Variants in EPB41L1 observed in about 807,000 individuals in gnomAD.
EPB41L1 encodes erythrocyte membrane protein band 4.1 like 1, also known as band 4.1-like protein 1.
A neutral mutation model predicts 97.8 loss-of-function variants in EPB41L1; 29 were observed. That is an observed-to-expected ratio of 0.30 (90% CI 0.22 to 0.40). The LOEUF (loss-of-function observed/expected upper bound fraction) is 0.40, where lower values mean the gene tolerates loss of function less well. Among genes scored for constraint, EPB41L1 ranks in the 10% least tolerant of loss-of-function variants. The probability of loss-of-function intolerance (pLI) is 1.00; values close to 1 mark genes in which losing one functional copy is unlikely to be tolerated. For missense variants in EPB41L1, 812 were observed against 1,162.3 expected, an observed-to-expected ratio of 0.70 and a Z score of 4.38; for synonymous variants, 383 against 459.2, an observed-to-expected ratio of 0.83 and a Z score of 2.12.
intron 13 of EPB41L1, among the ~76,000 whole-genome samples, chr20:36,197,033 C>T (rs887784655): frequency 4.6e-5 from 7 of 152,236 alleles, no homozygotes; most frequent in Admixed American, 3.9e-4. Flanking sequence ...CTCTAATTCT[C>T]CTAATCTTCC....
intron 14 of EPB41L1, among the ~76,000 whole-genome samples, chr20:36,201,594 C>A (rs2062500315): frequency 6.6e-6 from 1 of 152,168 alleles, no homozygotes; most frequent in African/African-American, 2.4e-5. Context: ...AGGAGGCAGG[C>A]AAAAGTGGAC....
intron 1 of EPB41L1, among the ~76,000 whole-genome samples, chr20:36,164,584 T>C (rs909359975): frequency 2.6e-5 from 4 of 152,242 alleles, no homozygotes; most frequent in Admixed American, 6.5e-5. Flanking sequence ...TTCACTGCTG[T>C]GCCTATGCAT....
chr20:36,198,249 A>G lies in EPB41L1; in HGVS notation c.1668+208A>G, dbSNP rs185547511. 2.4e-4 allele frequency among the ~76,000 whole-genome samples: 37 copies of G among 152,276 alleles called. 1 individual carries two copies. The highest frequency in any genetic ancestry group is 1.2e-3 in the Admixed American group (18 of 15,308). On this transcript the variant is annotated intron_variant, in intron 14 of 21. Coordinates refer to ENST00000338074, the MANE Select transcript of EPB41L1 (RefSeq NM_012156.2). ...TGGGTCCTGGAGACCAACTTAAAAC[A>G]TGAAAAACTCAAGACTCATGGTAGC... is the stretch of plus-strand genomic sequence containing the variant.
chr20:36,155,797 T>C, intron 1 of EPB41L1: 1 of 383,922 alleles, frequency 2.6e-6, no homozygotes, highest in African/African-American at 2.1e-5. Context: ...CATTCACTTC[T>C]GGATCCGCAT....
At chr20:36,120,594 C>T (rs2058720739) in intron 2 of EPB41L1, among the ~76,000 whole-genome samples, 1 of 152,188 alleles carries the variant, frequency 6.6e-6, no homozygotes. Context: ...CAACCAGATT[C>T]ATATTTTCTC....
intron 1 of EPB41L1, among the ~76,000 whole-genome samples, chr20:36,157,042 G>C (rs1569157448): frequency 6.6e-6 from 1 of 152,136 alleles, no homozygotes; most frequent in Non-Finnish European, 1.5e-5. Context: ...TGGCCAACAT[G>C]GTGAAACCCC....
At chr20:36,138,860 T>C (rs757336171) in intron 2 of EPB41L1, among the ~76,000 whole-genome samples, 4 of 152,216 alleles carry the variant, frequency 2.6e-5, no homozygotes, top group Non-Finnish European at 4.4e-5. Context: ...GTCTATAGAA[T>C]TTTCTGCCTC....
intron 14 of EPB41L1, among the ~76,000 whole-genome samples, chr20:36,201,602 G>A (rs1458426370): frequency 6.6e-6 from 1 of 152,230 alleles, no homozygotes; most frequent in Non-Finnish European, 1.5e-5. Context: ...GGCAAAAGTG[G>A]ACATCTTTCT....
chr20:36,227,162 A>G (rs1004195465), intron 21 of EPB41L1, among the ~76,000 whole-genome samples: 9 of 152,196 alleles, frequency 5.9e-5, no homozygotes, highest in Admixed American at 1.3e-4. Flanking sequence ...TAAAAAATGT[A>G]AAAGATTAAC....
At chr20:36,178,946 A>T (rs1285511754) in intron 5 of EPB41L1, among the ~76,000 whole-genome samples, 5 of 151,828 alleles carry the variant, frequency 3.3e-5, no homozygotes, top group Non-Finnish European at 5.9e-5. Context: ...TTGTAATCCC[A>T]GCTACTCGGG....
At chr20:36,187,841 G>A (rs1024614792) in intron 8 of EPB41L1, 78 bp downstream of exon 8, 3 of 1,292,986 alleles carry the variant, frequency 2.3e-6, no homozygotes, top group Admixed American at 1.9e-5. Context: ...CTAGGGCGTG[G>A]TGTGCCAGAC....
intron 2 of EPB41L1, among the ~76,000 whole-genome samples, chr20:36,145,021 G>A (rs1194482636): frequency 6.6e-6 from 1 of 152,122 alleles, no homozygotes. Flanking sequence ...TGGCAGACCT[G>A]AAACTCCAGT....
intron 1 of EPB41L1, among the ~76,000 whole-genome samples, chr20:36,106,012 A>G (rs904994651): frequency 6.6e-6 from 1 of 152,100 alleles, no homozygotes; most frequent in Non-Finnish European, 1.5e-5. Context: ...CTGGGAGGTG[A>G]GCACTGGCTC....
intron 2 of EPB41L1, among the ~76,000 whole-genome samples, chr20:36,138,825 C>T (rs2059521435): frequency 1.3e-5 from 2 of 152,154 alleles, no homozygotes; most frequent in South Asian, 4.1e-4. Flanking sequence ...GACATGCTGC[C>T]TCCCAGTGGC....
At chr20:36,156,916 C>T (rs1368631892) in intron 1 of EPB41L1, among the ~76,000 whole-genome samples, 1 of 152,126 alleles carries the variant, frequency 6.6e-6, no homozygotes, top group African/African-American at 2.4e-5. Context: ...TTCTGGGCTT[C>T]TCTGTCCCAT....
chr20:36,111,987 C>G (rs2058420362), intron 1 of EPB41L1, among the ~76,000 whole-genome samples: 1 of 152,080 alleles, frequency 6.6e-6, no homozygotes, highest in African/African-American at 2.4e-5. Flanking sequence ...CCAGCAAGTT[C>G]TGGGGATACC....
chr20:36,170,810 A>G (rs1350866010), intron 1 of EPB41L1, among the ~76,000 whole-genome samples: 1 of 152,170 alleles, frequency 6.6e-6, no homozygotes, highest in African/African-American at 2.4e-5. Context: ...GTAAAGGAAG[A>G]GGAGTAGATT....
At chr20:36,188,096 A>C (rs2061761500) in intron 8 of EPB41L1, among the ~76,000 whole-genome samples, 1 of 152,236 alleles carries the variant, frequency 6.6e-6, no homozygotes, top group Admixed American at 6.5e-5. Context: ...TGCTGGATGA[A>C]TGAACGATTG....
At position 36,182,312 on chromosome 20, in the gene EPB41L1, G is replaced by A. The variant is rs139137163; in HGVS notation, c.531G>A (p.Pro177=). 62 of 1,614,068 alleles carry A rather than the reference G, an allele frequency of 3.8e-5. No individual in the cohort carries two copies. The African/African-American group carries it at 4.1e-4, about 11-fold the overall frequency. Residue 177 remains proline (P), a synonymous_variant, in exon 6 of 22, where the codon CCG becomes CCA. Transcript: ENST00000338074. ...WNFAFTVKFY[P]PDPAQLTEDI... is the part of the protein sequence containing the mutation. The stretch of plus-strand genomic sequence containing the variant: ...TTGCCTTCACAGTCAAGTTCTACCC[G>A]CCTGATCCTGCCCAGCTGACAGAAG...
Sources: gnomAD v4.1 joint callset for allele counts (sites outside exome capture counted in the v4.1 genomes callset) on GRCh38, gnomAD v4.1.1 for gene constraint, MANE v1.5 for transcripts, NCBI Gene and HGNC (gene_info 2026-07-23, HGNC 2026-07-21) for gene names.